The following IGF2BP2 variants were observed in gnomAD, a reference collection of about 807,000 sequenced individuals.
IGF2BP2 encodes the protein insulin-like growth factor 2 mRNA-binding protein 2.
Under a neutral mutation model 75.8 loss-of-function variants are expected in IGF2BP2, and 17 were observed. The observed-to-expected ratio is 0.22, with a 90% CI of 0.15 to 0.34. The LOEUF (loss-of-function observed/expected upper bound fraction) is 0.34, where lower values mean the gene tolerates loss of function less well. IGF2BP2 is among the 10% of genes least tolerant of loss of function. IGF2BP2 has a pLI of 1.00. For missense variants in IGF2BP2, 516 were observed against 772.4 expected (o/e 0.67, Z 3.93); for synonymous variants, 288 against 295.6 (o/e 0.97, Z 0.26).
Position 185,763,256 on chromosome 3 carries a change from G to C in IGF2BP2, c.239+59897C>G, listed in dbSNP as rs149853915. Among the ~76,000 whole-genome samples, 11 of 152,144 alleles carry C rather than the reference G, an allele frequency of 7.2e-5. No individual in the cohort carries two copies. The East Asian group carries it at 1.9e-3, about 27-fold the overall frequency. On this transcript the variant is annotated intron_variant, in intron 2 of 15. Coordinates refer to ENST00000382199, the MANE Select transcript of IGF2BP2 (RefSeq NM_006548.6). ...ACCAAGTCCTATCTGTGGGGTTTCT[G>C]TTTTTGTTTTTTCCATTTTAAAACA...
chr3:185,663,485 A>G (rs1716801816), intron 10 of IGF2BP2, among the ~76,000 whole-genome samples: 1 of 152,178 alleles, frequency 6.6e-6, no homozygotes, highest in African/African-American at 2.4e-5. Context: ...GCATATATAA[A>G]ACACACTTGT....
At chr3:185,725,155 C>T (rs1184780375) in intron 2 of IGF2BP2, 3 of 152,218 alleles carry the variant, frequency 2.0e-5, no homozygotes, top group African/African-American at 7.2e-5. Context: ...CAAGACAAAC[C>T]ATCCCACTGT....
intron 2 of IGF2BP2, among the ~76,000 whole-genome samples, chr3:185,815,581 G>A (rs1740489371): frequency 6.6e-6 from 1 of 152,158 alleles, no homozygotes; most frequent in Non-Finnish European, 1.5e-5. Context: ...CTAGTCCAGT[G>A]CCTAGCACGT....
intron 2 of IGF2BP2, among the ~76,000 whole-genome samples, chr3:185,797,895 C>CTT (rs1190225908): frequency 7.1e-5 from 7 of 98,204 alleles, no homozygotes; most frequent in African/African-American, 9.7e-5. Flanking sequence ...GACCCTGTCT[C>CTT]TTAAAAAAAA....
chr3:185,658,371 G>T lies in IGF2BP2; in HGVS notation c.1239C>A (p.His413Gln). Reference protein sequence around the residue: ...SGYFSSLYPHHQFGPFPHHHS... With the variant: ...SGYFSSLYPHQQFGPFPHHHS... ...GATGATGCGGGAACGGGCCAAACTG[G>T]TGATGGGGGTACAGGCTGGAGAAGT... The change falls in exon 11 of 16, where the codon CAC becomes CAA. Residue 413 changes from histidine (H) to glutamine (Q), a missense_variant. Physicochemically the swap from His to Gln is conservative, Grantham distance 24 (BLOSUM62 0). Transcript: ENST00000382199. The T allele has an allele frequency of 4.3e-6, 7 of 1,614,034 alleles. No individual in the cohort carries two copies. Among genetic ancestry groups the T allele is most frequent in the Non-Finnish European group, 5.1e-6 (6 of 1,179,942 alleles).
At chr3:185,762,193 G>C (rs1326201141) in intron 2 of IGF2BP2, among the ~76,000 whole-genome samples, 2 of 151,934 alleles carry the variant, frequency 1.3e-5, no homozygotes, top group African/African-American at 2.4e-5. Context: ...TTCGAGAGCA[G>C]CCTGGCCAAC....
At chr3:185,795,329 A>G (rs746251208) in intron 2 of IGF2BP2, among the ~76,000 whole-genome samples, 17 of 152,232 alleles carry the variant, frequency 1.1e-4, no homozygotes, top group Non-Finnish European at 1.3e-4. Context: ...GGCTGAAAAT[A>G]TTCCACTGTA....
intron 7 of IGF2BP2, among the ~76,000 whole-genome samples, chr3:185,676,845 G>GAT (rs746886041): frequency 3.7e-4 from 50 of 136,728 alleles, no homozygotes; most frequent in East Asian, 2.7e-3. Flanking sequence ...ACTTACTGGA[G>GAT]ATATATATAT....
At chr3:185,648,804 AT>A (rs1714058300) in intron 14 of IGF2BP2, among the ~76,000 whole-genome samples, 1 of 152,116 alleles carries the variant, frequency 6.6e-6, no homozygotes, top group Non-Finnish European at 1.5e-5. Flanking sequence ...TCAAAAAACA[AT>A]CTCCTCCTTG....
Position 185,684,731 on chromosome 3 carries a change from CACTTAATT to C in IGF2BP2, c.812+2318_812+2325del, listed in dbSNP as rs754229160. Among the ~76,000 whole-genome samples the C allele has an allele frequency of 1.9e-4, 29 of 152,138 alleles. No individual in the cohort carries two copies. In the East Asian group the frequency reaches 5.2e-3, roughly 27 times the overall value. On this transcript the variant is annotated intron_variant, in intron 7 of 15. Coordinates refer to ENST00000382199, the MANE Select transcript of IGF2BP2 (RefSeq NM_006548.6). ...CTCACTGTAGCATTTCTTATAGCTG[CACTTAATT>C]ACTTATTGGTGTAATTACTCATTAT...
intron 2 of IGF2BP2, chr3:185,724,652 G>C (rs1727057824): frequency 6.6e-6 from 1 of 152,198 alleles, no homozygotes; most frequent in Admixed American, 6.5e-5. Context: ...CACTAGGAAG[G>C]GTTCTGTGAG....
rs141030178 is a variant in IGF2BP2, at chr3:185,680,657, T to C, written c.813-4744A>G. On this transcript the variant is annotated intron_variant, in intron 7 of 15. Coordinates refer to ENST00000382199, the MANE Select transcript of IGF2BP2 (RefSeq NM_006548.6). ...GAAGGTTTGTTCAGCATACAATTAA[T>C]GGGGAGCTGGGCGCAGTGGCTTATG... 3.6e-3 allele frequency among the ~76,000 whole-genome samples: 544 copies of C among 152,228 alleles called. 14 individuals carry two copies. Among genetic ancestry groups the C allele is most frequent in the East Asian group, 0.025 (131 of 5,178 alleles).
At chr3:185,734,098 G>C (rs573950640) in intron 2 of IGF2BP2, among the ~76,000 whole-genome samples, 1 of 152,270 alleles carries the variant, frequency 6.6e-6, no homozygotes, top group East Asian at 1.9e-4. Flanking sequence ...CATTTCCTTA[G>C]GAATACAGTA....
chr3:185,677,555 T>C (rs1719749049), intron 7 of IGF2BP2, among the ~76,000 whole-genome samples: 1 of 152,040 alleles, frequency 6.6e-6, no homozygotes, highest in Non-Finnish European at 1.5e-5. Context: ...TTACTAGGCA[T>C]ACAAAGAAAC....
chr3:185,729,859 G>A (rs1727902423), intron 2 of IGF2BP2: 1 of 152,188 alleles, frequency 6.6e-6, no homozygotes, highest in Non-Finnish European at 1.5e-5. Context: ...ATTGAGTGCA[G>A]AGGCAGACAT....
chr3:185,646,475 A>C (rs1713569895), intron 15 of IGF2BP2, among the ~76,000 whole-genome samples: 1 of 152,244 alleles, frequency 6.6e-6, no homozygotes, highest in Admixed American at 6.5e-5. Context: ...AATTTACAAA[A>C]GCATCAAAGA....
At chr3:185,691,500 G>A (rs1024582120) in intron 5 of IGF2BP2, among the ~76,000 whole-genome samples, 1 of 152,104 alleles carries the variant, frequency 6.6e-6, no homozygotes, top group African/African-American at 2.4e-5. Flanking sequence ...TATAATCCTG[G>A]GATATATAGC....
intron 2 of IGF2BP2, among the ~76,000 whole-genome samples, chr3:185,814,864 A>G (rs997458850): frequency 2.6e-5 from 4 of 152,194 alleles, no homozygotes; most frequent in Admixed American, 6.5e-5. Context: ...CGTGTCAAAG[A>G]GGTTTAAAAT....
chr3:185,686,965 T>C (rs1005909716), intron 7 of IGF2BP2, 92 bp downstream of exon 7: 2 of 1,401,078 alleles, frequency 1.4e-6, no homozygotes, highest in Non-Finnish European at 9.9e-7. Context: ...AGTAACAGAT[T>C]TGGAGTTTTT....
Sources: gnomAD v4.1 joint callset for allele counts (sites outside exome capture counted in the v4.1 genomes callset) on GRCh38, gnomAD v4.1.1 for gene constraint, MANE v1.5 for transcripts, NCBI Gene and HGNC (gene_info 2026-07-23, HGNC 2026-07-21) for gene names.